SV2C: variants seen among roughly 807,000 people sequenced by gnomAD.
SV2C encodes the protein synaptic vesicle glycoprotein 2C.
In SV2C, 49 loss-of-function variants were observed where a neutral mutation model predicts 79.7. That is an observed-to-expected ratio of 0.61 (90% confidence interval 0.49 to 0.78). The LOEUF is 0.78. Ranked by LOEUF, SV2C falls within the 30% of genes least tolerant of loss-of-function variation. SV2C has a pLI of 0.00. For synonymous variants in SV2C, 334 were observed against 333.2 expected (o/e 1.00, Z -0.03); for missense variants, 833 against 912.9 (o/e 0.91, Z 1.13).
chr5:75,949,922 A>G, the SV2C span, among the ~76,000 whole-genome samples: 4 of 152,006 alleles, frequency 2.6e-5, no homozygotes, highest in African/African-American at 9.7e-5. Context: ...TTCTTGAGGG[A>G]TTGGATATTG....
chr5:76,003,787 C>G, the SV2C span, among the ~76,000 whole-genome samples: 1 of 152,016 alleles, frequency 6.6e-6, no homozygotes, highest in Non-Finnish European at 1.5e-5. Flanking sequence ...GTTTTGGCCT[C>G]TGGGTCAGGA....
the SV2C span, among the ~76,000 whole-genome samples, chr5:75,907,320 C>T: frequency 6.6e-6 from 1 of 152,164 alleles, no homozygotes; most frequent in Non-Finnish European, 1.5e-5. Flanking sequence ...GATCATGGCT[C>T]ACCTCCAAAG....
intron 8 of SV2C, among the ~76,000 whole-genome samples, chr5:76,292,898 C>CTCTA (rs1232422835): frequency 6.6e-6 from 1 of 152,186 alleles, no homozygotes; most frequent in African/African-American, 2.4e-5. Context: ...TTAGATAATA[C>CTCTA]TCTACACTTT....
chr5:75,932,092 A>G, the SV2C span, among the ~76,000 whole-genome samples: 1 of 152,228 alleles, frequency 6.6e-6, no homozygotes, highest in African/African-American at 2.4e-5. Context: ...GACCATGGCT[A>G]TGGTGAACAC....
At chr5:76,117,282 A>C (rs778992727) in intron 1 of SV2C, among the ~76,000 whole-genome samples, 1 of 152,226 alleles carries the variant, frequency 6.6e-6, no homozygotes, top group Non-Finnish European at 1.5e-5. Context: ...TATTTTCTAT[A>C]TATAGGTATG....
the SV2C span, among the ~76,000 whole-genome samples, chr5:75,966,033 G>A: frequency 6.6e-6 from 1 of 152,296 alleles, no homozygotes; most frequent in Admixed American, 6.5e-5. Flanking sequence ...TGGAAGCAAA[G>A]ACACTATTAC....
the SV2C span, among the ~76,000 whole-genome samples, chr5:75,975,639 G>A: frequency 9.2e-5 from 14 of 152,114 alleles, no homozygotes; most frequent in East Asian, 5.8e-4. Context: ...CTGTGAACTC[G>A]CAACAGGAAG....
the SV2C span, among the ~76,000 whole-genome samples, chr5:75,946,112 G>T: frequency 2.6e-3 from 389 of 152,070 alleles, 2 homozygotes; most frequent in African/African-American, 8.2e-3. Flanking sequence ...ACTAAAACCT[G>T]GTTCTGTGTA....
intron 1 of SV2C, among the ~76,000 whole-genome samples, chr5:76,116,893 C>T (rs543371814): frequency 7.9e-5 from 12 of 152,120 alleles, no homozygotes; most frequent in Non-Finnish European, 1.6e-4. Context: ...CTCCTGGGCT[C>T]GAATGAAGAC....
the SV2C span, among the ~76,000 whole-genome samples, chr5:75,866,111 G>T: frequency 1.3e-5 from 2 of 152,166 alleles, no homozygotes; most frequent in African/African-American, 4.8e-5. Flanking sequence ...TTCAGTGAAG[G>T]TGAGAATGGA....
At chr5:76,224,165 T>G (rs141979012) in intron 4 of SV2C, among the ~76,000 whole-genome samples, 1 of 152,152 alleles carries the variant, frequency 6.6e-6, no homozygotes, top group African/African-American at 2.4e-5. Context: ...GCTCCACCCT[T>G]TGAAGGCACT....
At position 76,285,221 on chromosome 5, in the gene SV2C, G is replaced by A. The variant is rs762472964; in HGVS notation, c.973G>A (p.Val325Ile). 18 of 1,614,070 alleles carry A rather than the reference G, an allele frequency of 1.1e-5. No homozygotes were observed. The highest frequency in any genetic ancestry group is 4.0e-5 in the African/African-American group (3 of 74,926). ...TCACAGTTGGCGTGTGTTTGTCATC[G>A]TCTGTGCACTCCCCTGTGTCTCCTC... Reference protein sequence around the residue: ...QFHSWRVFVIVCALPCVSSVV... With the variant: ...QFHSWRVFVIICALPCVSSVV... The change falls in exon 5 of 13, where the codon GTC (valine) becomes ATC (isoleucine). Residue 325 changes from valine to isoleucine, a missense_variant. Physicochemically the swap from Val to Ile is conservative, Grantham distance 29. Transcript: ENST00000502798.
At chr5:76,138,505 A>C (rs17565946) in intron 2 of SV2C, among the ~76,000 whole-genome samples, 17,838 of 152,230 alleles carry the variant, frequency 0.12, 1,140 homozygotes, top group Non-Finnish European at 0.14. Context: ...GTTTTTTGTA[A>C]TTATAAACAG....
intron 1 of SV2C, among the ~76,000 whole-genome samples, chr5:76,108,565 A>G: frequency 7.5e-6 from 1 of 133,752 alleles, no homozygotes; most frequent in South Asian, 2.2e-4. Context: ...TGTATTCTTC[A>G]CCATATTAGA....
At chr5:76,179,947 G>A (rs1580334417) in intron 2 of SV2C, among the ~76,000 whole-genome samples, 1 of 151,882 alleles carries the variant, frequency 6.6e-6, no homozygotes. Context: ...AACAACAACA[G>A]AAAAAAAACT....
At chr5:75,871,043 T>C in the SV2C span, among the ~76,000 whole-genome samples, 1 of 152,124 alleles carries the variant, frequency 6.6e-6, no homozygotes, top group African/African-American at 2.4e-5. Context: ...GAGGACAATA[T>C]GCCAAGATTA....
chr5:76,213,432 G>A (rs983193367), intron 4 of SV2C, among the ~76,000 whole-genome samples: 16 of 152,044 alleles, frequency 1.1e-4, no homozygotes, highest in African/African-American at 3.1e-4. Context: ...CTTAATATTT[G>A]TGCATGTTAC....
intron 4 of SV2C, among the ~76,000 whole-genome samples, chr5:76,275,255 AG>A (rs1262460231): frequency 3.3e-5 from 5 of 152,326 alleles, no homozygotes; most frequent in Middle Eastern, 3.4e-3. Flanking sequence ...TGGGAGGCCG[AG>A]GCGGGCAGAT....
chr5:76,073,258 A>AT, the SV2C span, among the ~76,000 whole-genome samples: 1 of 151,962 alleles, frequency 6.6e-6, no homozygotes, highest in Non-Finnish European at 1.5e-5. Context: ...TCTTGAGTTG[A>AT]TTTTTATATA....
Sources: allele counts gnomAD v4.1 joint callset (sites outside exome capture counted in the v4.1 genomes callset), GRCh38; gene constraint gnomAD v4.1.1; transcripts MANE v1.5; gene names NCBI Gene and HGNC (gene_info 2026-07-23, HGNC 2026-07-21).